Variants in DCC observed in about 807,000 individuals in gnomAD.
DCC encodes the protein netrin receptor DCC.
A neutral mutation model predicts 172.5 loss-of-function variants in DCC; 58 were observed. The observed-to-expected ratio is 0.34, with a 90% CI of 0.27 to 0.42. The LOEUF (loss-of-function observed/expected upper bound fraction) is 0.42, where lower values mean the gene tolerates loss of function less well. DCC is among the 10% of genes least tolerant of loss of function. The probability of loss-of-function intolerance (pLI) is 1.00; values close to 1 mark genes in which losing one functional copy is unlikely to be tolerated. For synonymous variants in DCC, 709 were observed against 644.5 expected (o/e 1.10, Z -1.52); for missense variants, 1,740 against 1,791.0 (o/e 0.97, Z 0.51).
At chr18:53,256,389 A>G (rs1024220317) in intron 12 of DCC, among the ~76,000 whole-genome samples, 1 of 152,100 alleles carries the variant, frequency 6.6e-6, no homozygotes, top group African/African-American at 2.4e-5. Context: ...TAATTTTTGT[A>G]TAAGGTGTAA....
At chr18:52,957,332 T>A (rs571245515) in intron 5 of DCC, among the ~76,000 whole-genome samples, 1 of 151,770 alleles carries the variant, frequency 6.6e-6, no homozygotes, top group Non-Finnish European at 1.5e-5. Flanking sequence ...AAATAGACAT[T>A]TATAAATAAT....
At chr18:53,272,401 T>C (rs906005755) in intron 12 of DCC, among the ~76,000 whole-genome samples, 1 of 152,178 alleles carries the variant, frequency 6.6e-6, no homozygotes, top group African/African-American at 2.4e-5. Context: ...TAGAGAATGA[T>C]ACCAGTTTTG....
chr18:53,262,641 A>G (rs1598960865), intron 12 of DCC, among the ~76,000 whole-genome samples: 1 of 152,344 alleles, frequency 6.6e-6, no homozygotes, highest in Admixed American at 6.5e-5. Flanking sequence ...AATGAAAAAC[A>G]CTGTTAAATT....
intron 21 of DCC, among the ~76,000 whole-genome samples, chr18:53,431,345 C>T (rs1457132882): frequency 6.6e-6 from 1 of 150,608 alleles, no homozygotes; most frequent in African/African-American, 2.4e-5. Flanking sequence ...CAATTAATTA[C>T]TCTTTAATAT....
intron 1 of DCC, among the ~76,000 whole-genome samples, chr18:52,393,773 C>T (rs756061208): frequency 1.3e-5 from 2 of 152,046 alleles, no homozygotes; most frequent in Non-Finnish European, 2.9e-5. Flanking sequence ...ATTAAAATCG[C>T]GTGTGAGAGT....
At chr18:53,322,214 A>T (rs2057419765) in intron 14 of DCC, 57 bp downstream of exon 14, 1 of 964,504 alleles carries the variant, frequency 1.0e-6, no homozygotes, top group African/African-American at 1.6e-5. Context: ...TCTCAGCTTC[A>T]AAAGGTCTCT....
chr18:53,426,715 C>T (rs1402215824), intron 21 of DCC, among the ~76,000 whole-genome samples: 3 of 152,012 alleles, frequency 2.0e-5, no homozygotes, highest in Non-Finnish European at 4.4e-5. Context: ...TTCCGTCTCA[C>T]TGACTTACAA....
chr18:52,653,671 C>T (rs2035188575), intron 1 of DCC, among the ~76,000 whole-genome samples: 1 of 152,098 alleles, frequency 6.6e-6, no homozygotes, highest in Admixed American at 6.6e-5. Context: ...AAGAACATTC[C>T]AAACAAAGGT....
At chr18:52,690,717 A>G (rs2035918020) in intron 1 of DCC, among the ~76,000 whole-genome samples, 1 of 152,148 alleles carries the variant, frequency 6.6e-6, no homozygotes, top group Admixed American at 6.6e-5. Context: ...GCTTTATGGA[A>G]ACAAATACAA....
intron 21 of DCC, among the ~76,000 whole-genome samples, chr18:53,417,871 C>T (rs1910411434): frequency 6.6e-6 from 1 of 152,062 alleles, no homozygotes; most frequent in African/African-American, 2.4e-5. Context: ...AACCACCACA[C>T]ATATATTCTG....
chr18:52,883,285 G>C (rs1037445831), intron 2 of DCC, among the ~76,000 whole-genome samples: 1 of 150,492 alleles, frequency 6.6e-6, no homozygotes, highest in Admixed American at 6.6e-5. Context: ...ACTTATTCCT[G>C]TCACTTTGTT....
At chr18:52,572,043 T>C (rs1212861116) in intron 1 of DCC, among the ~76,000 whole-genome samples, 1 of 152,090 alleles carries the variant, frequency 6.6e-6, no homozygotes, top group African/African-American at 2.4e-5. Flanking sequence ...CTGAAGATAA[T>C]AACAATACTA....
At chr18:53,201,068 T>C (rs1267750691) in intron 9 of DCC, among the ~76,000 whole-genome samples, 1 of 152,108 alleles carries the variant, frequency 6.6e-6, no homozygotes, top group Non-Finnish European at 1.5e-5. Flanking sequence ...CATCACCCCA[T>C]TGTGCTCTAG....
intron 2 of DCC, among the ~76,000 whole-genome samples, chr18:52,760,431 A>T (rs2037142849): frequency 6.6e-6 from 1 of 152,080 alleles, no homozygotes; most frequent in Non-Finnish European, 1.5e-5. Context: ...AGACCATATC[A>T]CTTCCCCGGC....
At chr18:53,418,277 T>C (rs1055908783) in intron 21 of DCC, among the ~76,000 whole-genome samples, 1 of 152,158 alleles carries the variant, frequency 6.6e-6, no homozygotes, top group African/African-American at 2.4e-5. Flanking sequence ...AAAGAAAGCA[T>C]ATAAAATTTG....
chr18:53,485,685 T>C, intron 25 of DCC, among the ~76,000 whole-genome samples: 1 of 152,132 alleles, frequency 6.6e-6, no homozygotes, highest in East Asian at 1.9e-4. Flanking sequence ...GCTAGTTTAC[T>C]AGAAGCAGCC....
chr18:52,925,957 A>T (rs1445710433), intron 5 of DCC, among the ~76,000 whole-genome samples: 1 of 151,838 alleles, frequency 6.6e-6, no homozygotes, highest in Non-Finnish European at 1.5e-5. Flanking sequence ...CATTGCAAAC[A>T]AATAATTCTT....
intron 1 of DCC, among the ~76,000 whole-genome samples, chr18:52,710,165 TGAAAAA>T (rs2036272446): frequency 6.6e-6 from 1 of 152,226 alleles, no homozygotes; most frequent in Non-Finnish European, 1.5e-5. Flanking sequence ...CATTTTTAAC[TGAAAAA>T]ATGGGAAATA....
chr18:52,447,990 T>C (rs540643766), intron 1 of DCC, among the ~76,000 whole-genome samples: 3 of 152,178 alleles, frequency 2.0e-5, no homozygotes, highest in East Asian at 3.9e-4. Flanking sequence ...CAGGAGAGTA[T>C]TGGAGTCTGG....
Sources: gnomAD v4.1 joint callset for allele counts (sites outside exome capture counted in the v4.1 genomes callset) on GRCh38, gnomAD v4.1.1 for gene constraint, MANE v1.5 for transcripts, NCBI Gene and HGNC (gene_info 2026-07-23, HGNC 2026-07-21) for gene names.